The following CHD2 variants were observed in gnomAD, a reference collection of about 807,000 sequenced individuals.
CHD2 encodes the protein chromodomain helicase DNA binding protein 2.
In CHD2, 28 loss-of-function variants were observed where a neutral mutation model predicts 243.9. That is an observed-to-expected ratio of 0.11 (90% confidence interval 0.09 to 0.16). The LOEUF is 0.16. Ranked by LOEUF, CHD2 falls within the 10% of genes least tolerant of loss-of-function variation. The pLI is 1.00. For synonymous variants in CHD2, 775 were observed against 779.0 expected, an observed-to-expected ratio of 0.99 and a Z score of 0.09; for missense variants, 1,386 against 2,209.8, an observed-to-expected ratio of 0.63 and a Z score of 7.47.
intron 34 of CHD2, among the ~76,000 whole-genome samples, chr15:93,008,861 A>G (rs2054355497): frequency 6.6e-6 from 1 of 152,156 alleles, no homozygotes; most frequent in South Asian, 2.1e-4. Flanking sequence ...TGGGCTTGTG[A>G]GGCATGCCAT....
intron 3 of CHD2, 113 bp from the exon 4 acceptor site, chr15:92,927,131 A>G: frequency 1.3e-6 from 1 of 778,254 alleles, no homozygotes; most frequent in Non-Finnish European, 2.1e-6. Flanking sequence ...AGAACTAGCA[A>G]AACAACCCTT....
chr15:93,014,098 A>G lies in CHD2; in HGVS notation c.4693-598A>G, dbSNP rs575699470. On this transcript the variant is annotated intron_variant, in intron 36 of 38. Transcript: ENST00000394196. Reference sequence around the variant, plus strand: ...ATGAAGTGAAAAATGAATACCAAATATTTTTGTTTAAAATATAACTACAAA... The same window carrying G: ...ATGAAGTGAAAAATGAATACCAAATGTTTTTGTTTAAAATATAACTACAAA... 1.6e-4 allele frequency among the ~76,000 whole-genome samples: 24 copies of G among 152,296 alleles called. No homozygotes were observed. The East Asian group carries it at 4.4e-3, about 28-fold the overall frequency.
At chr15:92,951,066 C>T (rs1269466826) in intron 13 of CHD2, among the ~76,000 whole-genome samples, 4 of 152,046 alleles carry the variant, frequency 2.6e-5, no homozygotes, top group Non-Finnish European at 5.9e-5. Context: ...TGATCTAATC[C>T]TCTCATTTTA....
At chr15:92,948,847 A>G (rs1364528050) in intron 12 of CHD2, 105 bp from the exon 13 acceptor site, 2 of 1,341,568 alleles carry the variant, frequency 1.5e-6, no homozygotes, top group African/African-American at 3.0e-5. Context: ...TCAAAAAAAG[A>G]AATTTGAGTT....
intron 2 of CHD2, among the ~76,000 whole-genome samples, chr15:92,916,710 C>T (rs1170730091): frequency 2.0e-5 from 3 of 152,162 alleles, no homozygotes; most frequent in South Asian, 2.1e-4. Flanking sequence ...CGTGCCACCA[C>T]GCCCAGCTAA....
intron 2 of CHD2, among the ~76,000 whole-genome samples, chr15:92,914,074 A>G (rs769307162): frequency 1.3e-5 from 2 of 152,182 alleles, no homozygotes; most frequent in Non-Finnish European, 2.9e-5. Context: ...AGCACCATAT[A>G]TTTTATAAAA....
intron 2 of CHD2, chr15:92,901,608 T>C (rs1358201077): frequency 4.6e-6 from 2 of 435,908 alleles, no homozygotes; most frequent in African/African-American, 4.1e-5. Context: ...TTTTAGGTTT[T>C]TGTACTGCAG....
chr15:92,958,838 A>G (rs186900576), intron 16 of CHD2, among the ~76,000 whole-genome samples: 1 of 152,286 alleles, frequency 6.6e-6, no homozygotes, highest in African/African-American at 2.4e-5. Flanking sequence ...GCGTTAGGTG[A>G]TTTTGCTCAA....
At chr15:92,920,543 A>G (rs2052935174) in intron 2 of CHD2, among the ~76,000 whole-genome samples, 1 of 152,210 alleles carries the variant, frequency 6.6e-6, no homozygotes, top group Non-Finnish European at 1.5e-5. Context: ...GAACACTATA[A>G]ACATTTCTAG....
intron 6 of CHD2, among the ~76,000 whole-genome samples, chr15:92,937,918 G>C (rs2053292919): frequency 6.6e-6 from 1 of 152,194 alleles, no homozygotes. Flanking sequence ...AACACTGTTT[G>C]CCTGGCTTAA....
At chr15:93,000,152 G>A (rs2054235598) in intron 31 of CHD2, among the ~76,000 whole-genome samples, 3 of 152,116 alleles carry the variant, frequency 2.0e-5, no homozygotes, top group African/African-American at 7.2e-5. Flanking sequence ...GTCCCACTTA[G>A]CTACTCGAGA....
At chr15:93,013,928 CAAAAAAAAAAAAAA>C (rs35774813) in intron 36 of CHD2, among the ~76,000 whole-genome samples, 2 of 64,134 alleles carry the variant, frequency 3.1e-5, no homozygotes, top group African/African-American at 7.0e-5. Context: ...GACTCTGTCT[CAAAAAAAAAAAAAA>C]AAAAAAAAAA....
rs2054574666 is a variant in CHD2, at chr15:93,024,943, C to T, written c.*238C>T. ...TCCCATTCCAGCCTAGTTCTGGCCT[C>T]CCACTTTGACGGGCACTTGGAGGAG... is the stretch of plus-strand genomic sequence containing the variant. On this transcript the variant is annotated 3_prime_UTR_variant, in exon 39 of 39. Transcript: ENST00000394196. 1 of 474,016 alleles carries T rather than the reference C, an allele frequency of 2.1e-6. No individual in the cohort carries two copies. Among genetic ancestry groups the T allele is most frequent in the Non-Finnish European group, 3.7e-6 (1 of 268,942 alleles). The allele number at this position is 474,016 out of a possible 1,614,324, so 29.4% of individuals were successfully genotyped here. A position where few individuals can be genotyped will look rare whatever the true frequency, so the allele number is the denominator to read the frequency against.
intron 2 of CHD2, chr15:92,904,364 T>G: frequency 1.2e-6 from 1 of 851,888 alleles, no homozygotes. Flanking sequence ...GGCGGCGCCT[T>G]CGGCAGCCTC....
intron 2 of CHD2, among the ~76,000 whole-genome samples, chr15:92,915,311 G>T (rs2052813623): frequency 6.6e-6 from 1 of 151,704 alleles, no homozygotes. Flanking sequence ...GTCTCGCTCT[G>T]TTGCCCAGGC....
At chr15:92,980,491 A>G (rs929097421) in intron 22 of CHD2, among the ~76,000 whole-genome samples, 1 of 152,190 alleles carries the variant, frequency 6.6e-6, no homozygotes, top group African/African-American at 2.4e-5. Context: ...AGAAGGTTGA[A>G]AATTCTTGGT....
At chr15:92,940,774 A>T (rs1397090257) in intron 7 of CHD2, among the ~76,000 whole-genome samples, 2 of 136,770 alleles carry the variant, frequency 1.5e-5, no homozygotes, top group Non-Finnish European at 3.1e-5. Flanking sequence ...AATATATATA[A>T]AAAATATAAA....
intron 32 of CHD2, among the ~76,000 whole-genome samples, chr15:93,000,918 G>A: frequency 6.6e-6 from 1 of 152,194 alleles, no homozygotes; most frequent in Admixed American, 6.5e-5. Context: ...CGCGAGGCTG[G>A]AGTGCAATGG....
chr15:92,917,025 G>A (rs17525144), intron 2 of CHD2, among the ~76,000 whole-genome samples: 9,962 of 152,130 alleles, frequency 0.065, 445 homozygotes, highest in South Asian at 0.12. Context: ...TTTCTTCTCC[G>A]TAATTGCGTA....
Sources: gnomAD v4.1 joint callset for allele counts (sites outside exome capture counted in the v4.1 genomes callset) on GRCh38, gnomAD v4.1.1 for gene constraint, MANE v1.5 for transcripts, NCBI Gene and HGNC (gene_info 2026-07-23, HGNC 2026-07-21) for gene names.